The following UNC13C variants were observed in gnomAD, a reference collection of about 807,000 sequenced individuals.
UNC13C encodes unc-13 homolog C.
Under a neutral mutation model 245.4 loss-of-function variants are expected in UNC13C, and 174 were observed. The observed-to-expected ratio is 0.71, with a 90% CI of 0.63 to 0.80. The LOEUF (loss-of-function observed/expected upper bound fraction) is 0.80, where lower values mean the gene tolerates loss of function less well. UNC13C is among the 30% of genes least tolerant of loss of function. UNC13C has a pLI of 0.00. For synonymous variants in UNC13C, 992 were observed against 895.1 expected, an observed-to-expected ratio of 1.11 and a Z score of -1.93; for missense variants, 2,829 against 2,602.9, an observed-to-expected ratio of 1.09 and a Z score of -1.89.
intron 4 of UNC13C, among the ~76,000 whole-genome samples, chr15:54,152,588 T>C (rs1356082669): frequency 6.6e-6 from 1 of 152,200 alleles, no homozygotes; most frequent in African/African-American, 2.4e-5. Flanking sequence ...TTAAAACCAC[T>C]GATACATCCT....
intron 4 of UNC13C, among the ~76,000 whole-genome samples, chr15:54,215,120 T>C (rs2035001534): frequency 6.6e-6 from 1 of 151,874 alleles, no homozygotes; most frequent in African/African-American, 2.4e-5. Context: ...GTCTGTATTT[T>C]CTATTTGACA....
At chr15:54,467,358 CTT>C (rs1259961867) in intron 19 of UNC13C, among the ~76,000 whole-genome samples, 3 of 151,568 alleles carry the variant, frequency 2.0e-5, no homozygotes, top group Non-Finnish European at 3.0e-5. Flanking sequence ...AGTACACAAA[CTT>C]GAGTGTAACT....
At chr15:54,604,831 C>G (rs1416568788) in intron 30 of UNC13C, among the ~76,000 whole-genome samples, 1 of 152,266 alleles carries the variant, frequency 6.6e-6, no homozygotes, top group East Asian at 1.9e-4. Context: ...CATGAGAAAT[C>G]AAACAAAATG....
intron 4 of UNC13C, among the ~76,000 whole-genome samples, chr15:54,167,928 C>A (rs911041854): frequency 1.3e-5 from 2 of 152,160 alleles, no homozygotes; most frequent in Non-Finnish European, 2.9e-5. Flanking sequence ...GGAGACACTA[C>A]TATGCACCTA....
intron 30 of UNC13C, among the ~76,000 whole-genome samples, chr15:54,619,535 G>T (rs1900664496): frequency 6.6e-6 from 1 of 152,292 alleles, no homozygotes; most frequent in Non-Finnish European, 1.5e-5. Context: ...CCATTCACCT[G>T]CTTTGAAAGA....
chr15:54,501,741 TAGAC>T (rs1208728245), intron 22 of UNC13C, among the ~76,000 whole-genome samples: 1 of 151,988 alleles, frequency 6.6e-6, no homozygotes, highest in Non-Finnish European at 1.5e-5. Flanking sequence ...AGAGCCGAAA[TAGAC>T]AGAGGCTTCA....
chr15:54,160,244 G>T (rs1395549855), intron 4 of UNC13C, among the ~76,000 whole-genome samples: 1 of 151,558 alleles, frequency 6.6e-6, no homozygotes. Flanking sequence ...GAGGATCTAG[G>T]TCATGGGAGA....
At chr15:53,953,747 A>T in the UNC13C span, among the ~76,000 whole-genome samples, 2 of 152,254 alleles carry the variant, frequency 1.3e-5, no homozygotes, top group Admixed American at 6.5e-5. Flanking sequence ...AAGGGATGAT[A>T]TGAAGAGATC....
intron 29 of UNC13C, 64 bp from the exon 30 acceptor site, chr15:54,567,736 G>A: frequency 2.1e-6 from 3 of 1,397,054 alleles, no homozygotes; most frequent in South Asian, 1.5e-5. Flanking sequence ...CTCTATTAGA[G>A]TAATAAATTC....
intron 26 of UNC13C, among the ~76,000 whole-genome samples, chr15:54,545,780 C>A (rs1896457743): frequency 6.6e-6 from 1 of 152,168 alleles, no homozygotes; most frequent in South Asian, 2.1e-4. Flanking sequence ...GAGATACCAT[C>A]TCACGCCAGT....
At chr15:54,029,062 C>T (rs1896246051) in intron 2 of UNC13C, among the ~76,000 whole-genome samples, 1 of 152,168 alleles carries the variant, frequency 6.6e-6, no homozygotes, top group Admixed American at 6.5e-5. Flanking sequence ...CAGTTACCTT[C>T]CTAAACATTT....
chr15:54,117,481 T>A (rs1288023435), intron 2 of UNC13C, among the ~76,000 whole-genome samples: 1 of 151,862 alleles, frequency 6.6e-6, no homozygotes, highest in Non-Finnish European at 1.5e-5. Context: ...CTAGTTTCAT[T>A]CTTCTGCATA....
intron 1 of UNC13C, among the ~76,000 whole-genome samples, chr15:53,998,423 T>C (rs1218471998): frequency 2.0e-5 from 3 of 152,190 alleles, no homozygotes. Flanking sequence ...TTTTTCAATT[T>C]TTTACTGCTA....
At chr15:54,447,610 A>G (rs1170102098) in intron 19 of UNC13C, among the ~76,000 whole-genome samples, 2 of 151,960 alleles carry the variant, frequency 1.3e-5, no homozygotes, top group African/African-American at 2.4e-5. Flanking sequence ...TGTGGGATCG[A>G]TGGTGATATC....
At chr15:53,854,637 CT>C in the UNC13C span, among the ~76,000 whole-genome samples, 7 of 152,132 alleles carry the variant, frequency 4.6e-5, no homozygotes, top group Non-Finnish European at 1.0e-4. Context: ...GTTCTCTATT[CT>C]GTTCCATTGG....
At chr15:54,349,356 T>G (rs556947770) in intron 17 of UNC13C, among the ~76,000 whole-genome samples, 2 of 151,796 alleles carry the variant, frequency 1.3e-5, no homozygotes, top group South Asian at 4.1e-4. Context: ...CTATATGCTT[T>G]AATTTTCATA....
chr15:53,856,640 G>A, the UNC13C span, among the ~76,000 whole-genome samples: 1 of 152,134 alleles, frequency 6.6e-6, no homozygotes, highest in Non-Finnish European at 1.5e-5. Flanking sequence ...TAGTTAGATT[G>A]CACTGTGGTC....
rs1892553242 is a variant in UNC13C at position 54,473,212 on chromosome 15, TA to T, written c.4934-21395del. ...AGATTATTTTATTGATTATTTATTT[TA>T]TTTTATTTTATTTTATTGATACATA... On this transcript the variant is annotated intron_variant, in intron 19 of 32. Coordinates refer to ENST00000260323, the MANE Select transcript of UNC13C (RefSeq NM_001080534.3). Among the ~76,000 whole-genome samples, 4 of 133,272 alleles carry T rather than the reference TA, an allele frequency of 3.0e-5. No homozygotes were observed. The South Asian group carries it at 1.0e-3, about 34-fold the overall frequency. The allele number at this position is 133,272 out of a possible 152,430, so 87.4% of individuals were successfully genotyped here. A position where few individuals can be genotyped will look rare whatever the true frequency, so the allele number is the denominator to read the frequency against.
chr15:54,443,313 T>C (rs1447215047), intron 19 of UNC13C, among the ~76,000 whole-genome samples: 1 of 152,122 alleles, frequency 6.6e-6, no homozygotes, highest in Non-Finnish European at 1.5e-5. Flanking sequence ...TTATTCTTGG[T>C]TCATCAAGCT....
Sources: gnomAD v4.1 joint callset for allele counts (sites outside exome capture counted in the v4.1 genomes callset) on GRCh38, gnomAD v4.1.1 for gene constraint, MANE v1.5 for transcripts, NCBI Gene and HGNC (gene_info 2026-07-23, HGNC 2026-07-21) for gene names.